BCOR: variants seen among roughly 807,000 people sequenced by gnomAD.
The protein encoded by BCOR is BCL6 corepressor, also known as BCL-6 corepressor.
BCOR carries 10 observed loss-of-function variants against 86.7 expected under a neutral mutation model. The observed-to-expected ratio is 0.12, with a 90% CI of 0.07 to 0.20. The LOEUF (loss-of-function observed/expected upper bound fraction) is 0.20. Ranked by LOEUF, BCOR falls within the 10% of genes least tolerant of loss-of-function variation. The pLI is 1.00. For synonymous variants in BCOR, 611 were observed against 609.0 expected (o/e 1.00, Z -0.05); for missense variants, 1,259 against 1,452.1 (o/e 0.87, Z 2.16).
At chrX:40,063,183 A>G (rs1934997253) in intron 8 of BCOR, 112 bp from the exon 9 acceptor site, 1 of 522,236 alleles carries the variant, frequency 1.9e-6, no homozygotes, top group Non-Finnish European at 3.1e-6. Context: ...AACACTGATC[A>G]CTGGAGCGGC....
chrX:40,091,851 G>A (rs1936628967), intron 1 of BCOR, among the ~76,000 whole-genome samples: 1 of 113,242 alleles, frequency 8.8e-6, no homozygotes, highest in African/African-American at 3.2e-5. Context: ...CAAAGAAGCC[G>A]GGGCGGGTCA....
chrX:40,073,243 C>G lies in BCOR; in HGVS notation c.2103G>C (p.Gly701=). 5.0e-6 allele frequency: 6 copies of G among 1,211,793 alleles called. No homozygotes were observed. The highest frequency in any genetic ancestry group is 6.7e-6 in the Non-Finnish European group (6 of 895,448). ...LFPGHLAPKP[G]LPYGLPTGRP... Reference sequence around the variant, plus strand: ...GGCCGGTGGGAAGCCCATAGGGCAGCCCAGGCTTTGGGGCAAGGTGCCCAG... The same window carrying G: ...GGCCGGTGGGAAGCCCATAGGGCAGGCCAGGCTTTGGGGCAAGGTGCCCAG... The change falls in exon 4 of 15, where the codon GGG becomes GGC. Residue 701 remains glycine (G), a synonymous_variant. Transcript: ENST00000378444.
chrX:40,105,860 G>T (rs772396873), intron 1 of BCOR, among the ~76,000 whole-genome samples: 1 of 112,905 alleles, frequency 8.9e-6, no homozygotes, highest in African/African-American at 3.2e-5. Flanking sequence ...CCACCCCTGG[G>T]ATCCGGCTTC....
At chrX:40,175,994 C>T (rs1196323933) in intron 1 of BCOR, among the ~76,000 whole-genome samples, 2 of 112,748 alleles carry the variant, frequency 1.8e-5, no homozygotes. Context: ...ACATTTCGGG[C>T]CACTGCGGGG....
rs773043640 is a variant in BCOR, at chrX:40,087,376, A to G, written c.-40-9407T>C. 7.9e-5 allele frequency among the ~76,000 whole-genome samples: 9 copies of G among 113,314 alleles called. No individual in the cohort carries two copies. The East Asian group carries it at 2.5e-3, about 31-fold the overall frequency. ...CGGTCCTTAAATAGATTTTAATTAAATAAGCATACAAGGCTCATTTTATGA... is the reference window on the plus strand; with the variant it reads ...CGGTCCTTAAATAGATTTTAATTAAGTAAGCATACAAGGCTCATTTTATGA... On this transcript the variant is annotated intron_variant, in intron 1 of 14. Transcript: ENST00000378444.
At chrX:40,090,541 G>C (rs1203949668) in intron 1 of BCOR, among the ~76,000 whole-genome samples, 1 of 112,056 alleles carries the variant, frequency 8.9e-6, no homozygotes, top group East Asian at 2.8e-4. Flanking sequence ...CGGCGGCCAG[G>C]GCAGACGCCT....
chrX:40,121,841 G>A (rs1937490907), intron 1 of BCOR, among the ~76,000 whole-genome samples: 1 of 112,452 alleles, frequency 8.9e-6, no homozygotes, highest in African/African-American at 3.2e-5. Flanking sequence ...ACCTGAGGAA[G>A]AGAAGGACAG....
chrX:40,153,481 C>G (rs759726724), intron 1 of BCOR, among the ~76,000 whole-genome samples: 14 of 111,969 alleles, frequency 1.3e-4, no homozygotes, highest in African/African-American at 4.2e-4. Flanking sequence ...GCAAATCTGT[C>G]GCTCCTCCGA....
chrX:40,160,533 ATCAG>A (rs1938392791), intron 1 of BCOR, among the ~76,000 whole-genome samples: 1 of 108,759 alleles, frequency 9.2e-6, no homozygotes, highest in Admixed American at 9.8e-5. Context: ...AAAAAAAAAA[ATCAG>A]TCAATCAATA....
At chrX:40,076,360 A>G in intron 3 of BCOR, 94 bp downstream of exon 3, 1 of 691,973 alleles carries the variant, frequency 1.4e-6, no homozygotes, top group East Asian at 3.8e-5. Context: ...CCCCTCCCCC[A>G]TTCCCCACCC....
In BCOR at chrX:40,126,519, C is replaced by T. The variant is rs183975240; in HGVS notation, c.-40-48550G>A. Reference sequence around the variant, plus strand: ...CAGCTCGGGCAACAAGGCAAAATTCCGTCAAAAAAAAAAAAAAAGAAAAGA... The same window carrying T: ...CAGCTCGGGCAACAAGGCAAAATTCTGTCAAAAAAAAAAAAAAAGAAAAGA... On this transcript the variant is annotated intron_variant, in intron 1 of 14. Transcript: ENST00000342274. 3.0e-3 allele frequency among the ~76,000 whole-genome samples: 246 copies of T among 82,002 alleles called. 2 individuals carry two copies. The highest frequency in any genetic ancestry group is 0.017 in the African/African-American group (228 of 13,756). The allele number at this position is 82,002 out of a possible 115,157, so 71.2% of individuals were successfully genotyped here.
Position 40,074,822 on chromosome X carries a change from T to A in BCOR, c.524A>T (p.Lys175Ile). Residue 175 changes from lysine to isoleucine, a missense_variant, in exon 4 of 15, where the codon AAA becomes ATA. Coordinates refer to ENST00000378444, the MANE Select transcript of BCOR (RefSeq NM_001123385.2). ...ALGLDRPASD[K>I]QSPLNINGAS... is the part of the protein sequence containing the mutation. ...ACCATTGATGTTGAGAGGGCTCTGTTTGTCGCTGGCAGGCCTGTCCAAGCC... is the reference window on the plus strand; with the variant it reads ...ACCATTGATGTTGAGAGGGCTCTGTATGTCGCTGGCAGGCCTGTCCAAGCC... The A allele has an allele frequency of 8.3e-7, 1 of 1,211,916 alleles. No homozygotes were observed. Among genetic ancestry groups the A allele is most frequent in the African/African-American group, 1.7e-5 (1 of 57,833 alleles).
chrX:40,077,384 G>A (rs2147323061), intron 2 of BCOR: 1 of 145,749 alleles, frequency 6.9e-6, no homozygotes, highest in East Asian at 2.1e-4. Flanking sequence ...GCTGTCTGAC[G>A]ACCAAAAGCA....
At chrX:40,060,669 T>C (rs1934823102) in intron 10 of BCOR, among the ~76,000 whole-genome samples, 2 of 112,585 alleles carry the variant, frequency 1.8e-5, no homozygotes, top group African/African-American at 6.5e-5. Context: ...ACGCTGCATC[T>C]ACCCTGTCCT....
chrX:40,170,995 G>A (rs752088958), intron 1 of BCOR, among the ~76,000 whole-genome samples: 5 of 111,684 alleles, frequency 4.5e-5, no homozygotes, highest in South Asian at 7.5e-4. Context: ...ACCCATCCGA[G>A]GGGGACAGAG....
intron 1 of BCOR, among the ~76,000 whole-genome samples, chrX:40,159,527 T>C (rs1456829748): frequency 9.0e-6 from 1 of 110,901 alleles, no homozygotes; most frequent in African/African-American, 3.3e-5. Context: ...TTTTTTTGTA[T>C]TTTTAGTAGA....
Position 40,064,385 on chromosome X carries a change from C to T in BCOR, c.3453G>A (p.Glu1151=). The change falls in exon 7 of 15, where the codon GAG becomes GAA. Residue 1151 remains glutamate (E), a synonymous_variant. Transcript: ENST00000378444. ...CTTTCAGCAGAGGGTCCTCTGGCAC[C>T]TCCTCCGCAGTGGTCTCAGTGTGGC... is the stretch of plus-strand genomic sequence containing the variant. ...DSSHTETTAE[E]VPEDPLLKAK... The T allele has an allele frequency of 8.2e-7, 1 of 1,212,396 alleles. No individual in the cohort carries two copies. The highest frequency in any genetic ancestry group is 1.8e-5 in the South Asian group (1 of 57,035).
At chrX:40,118,124 A>G (rs1219071964) in intron 1 of BCOR, among the ~76,000 whole-genome samples, 1 of 108,708 alleles carries the variant, frequency 9.2e-6, no homozygotes, top group African/African-American at 3.4e-5. Context: ...CTTTCAGGAA[A>G]GTGACTTTAA....
intron 1 of BCOR, among the ~76,000 whole-genome samples, chrX:40,161,217 G>T (rs1330288935): frequency 9.0e-5 from 9 of 99,932 alleles, no homozygotes; most frequent in Admixed American, 7.6e-4. Context: ...TGTTTTTTGG[G>T]TTTTTTTGAG....
Sources: gnomAD v4.1 joint callset for allele counts (sites outside exome capture counted in the v4.1 genomes callset) on GRCh38, gnomAD v4.1.1 for gene constraint, MANE v1.5 for transcripts, NCBI Gene and HGNC (gene_info 2026-07-23, HGNC 2026-07-21) for gene names.